Variants in LINGO2 observed in about 807,000 individuals in gnomAD.
The protein encoded by LINGO2 is leucine-rich repeat and immunoglobulin-like domain-containing nogo receptor-interacting protein 2.
Under a neutral mutation model 30.6 loss-of-function variants are expected in LINGO2, and 14 were observed. The ratio of observed to expected loss-of-function variants is 0.46; its 90% confidence interval spans 0.30 to 0.72. The LOEUF is 0.72. LINGO2 is among the 30% of genes least tolerant of loss of function. LINGO2 has a pLI of 0.07. For synonymous variants in LINGO2, 317 were observed against 288.5 expected (o/e 1.10, Z -1.00); for missense variants, 729 against 751.7 (o/e 0.97, Z 0.35).
At chr9:29,171,745 A>G in the LINGO2 span, among the ~76,000 whole-genome samples, 1 of 151,942 alleles carries the variant, frequency 6.6e-6, no homozygotes, top group Non-Finnish European at 1.5e-5. Context: ...TAGAATTGCA[A>G]TACAACATCT....
the LINGO2 span, among the ~76,000 whole-genome samples, chr9:28,979,693 G>A: frequency 6.7e-6 from 1 of 150,238 alleles, no homozygotes; most frequent in African/African-American, 2.5e-5. Flanking sequence ...TCTATACATT[G>A]ATGCTACAAA....
intron 2 of LINGO2, among the ~76,000 whole-genome samples, chr9:28,453,034 T>C (rs945666569): frequency 6.6e-6 from 1 of 151,946 alleles, no homozygotes; most frequent in Non-Finnish European, 1.5e-5. Flanking sequence ...TCAATGACTC[T>C]GATATAAATA....
chr9:28,481,058 C>T (rs984731381), intron 1 of LINGO2, among the ~76,000 whole-genome samples: 2 of 142,510 alleles, frequency 1.4e-5, no homozygotes, highest in African/African-American at 5.1e-5. Flanking sequence ...TTCTCAAGCT[C>T]CCCTGTGTAA....
At chr9:29,009,835 C>T in the LINGO2 span, among the ~76,000 whole-genome samples, 62,839 of 151,744 alleles carry the variant, frequency 0.41, 13,085 homozygotes, top group East Asian at 0.49. Context: ...AACAGAGATA[C>T]AGACCAATGG....
chr9:28,276,699 CG>C (rs1230860618), intron 4 of LINGO2, among the ~76,000 whole-genome samples: 1 of 152,156 alleles, frequency 6.6e-6, no homozygotes, highest in African/African-American at 2.4e-5. Context: ...AACTACTTCT[CG>C]CATATTATAT....
chr9:28,370,225 G>T (rs1162349930), intron 3 of LINGO2, among the ~76,000 whole-genome samples: 1 of 152,048 alleles, frequency 6.6e-6, no homozygotes, highest in African/African-American at 2.4e-5. Flanking sequence ...TTTTCAGTAG[G>T]CATTCTCTAT....
chr9:29,013,127 G>A, the LINGO2 span, among the ~76,000 whole-genome samples: 3 of 152,122 alleles, frequency 2.0e-5, no homozygotes, highest in South Asian at 2.1e-4. Flanking sequence ...GACTGTAATC[G>A]TTCTCTTAAT....
intron 4 of LINGO2, among the ~76,000 whole-genome samples, chr9:28,049,875 T>C (rs932399207): frequency 1.3e-5 from 2 of 150,656 alleles, no homozygotes; most frequent in Admixed American, 6.7e-5. Flanking sequence ...TCTGAAGATT[T>C]TTAAATCAAG....
At chr9:28,026,326 A>C (rs1019245571) in intron 4 of LINGO2, among the ~76,000 whole-genome samples, 1 of 152,178 alleles carries the variant, frequency 6.6e-6, no homozygotes, top group Non-Finnish European at 1.5e-5. Flanking sequence ...CACCTAAGGC[A>C]TAATAGATAT....
At chr9:28,776,426 T>C in the LINGO2 span, among the ~76,000 whole-genome samples, 75 of 152,234 alleles carry the variant, frequency 4.9e-4, no homozygotes, top group African/African-American at 1.8e-3. Flanking sequence ...GCCTGTCCTT[T>C]AGAATTATGC....
chr9:27,959,639 A>G (rs1819741486), intron 5 of LINGO2, among the ~76,000 whole-genome samples: 1 of 152,156 alleles, frequency 6.6e-6, no homozygotes, highest in Non-Finnish European at 1.5e-5. Context: ...AGAATACACT[A>G]TGAAAAATTT....
At chr9:28,034,301 TTTC>T (rs1823827281) in intron 4 of LINGO2, among the ~76,000 whole-genome samples, 1 of 152,220 alleles carries the variant, frequency 6.6e-6, no homozygotes, top group Non-Finnish European at 1.5e-5. Flanking sequence ...ATTATTTCAC[TTTC>T]TTTCTTTTCG....
At chr9:28,818,315 C>A in the LINGO2 span, among the ~76,000 whole-genome samples, 1 of 152,140 alleles carries the variant, frequency 6.6e-6, no homozygotes, top group Non-Finnish European at 1.5e-5. Context: ...AAAATTCTTT[C>A]TTTGGAGAAA....
intron 4 of LINGO2, among the ~76,000 whole-genome samples, chr9:28,159,875 A>G (rs955761653): frequency 6.6e-6 from 1 of 152,114 alleles, no homozygotes; most frequent in African/African-American, 2.4e-5. Flanking sequence ...CCTATTACCC[A>G]CAGGTAGAGA....
chr9:28,340,238 C>A (rs1394143217), intron 3 of LINGO2, among the ~76,000 whole-genome samples: 1 of 152,070 alleles, frequency 6.6e-6, no homozygotes, highest in Non-Finnish European at 1.5e-5. Flanking sequence ...CAATTCATAA[C>A]TCATAAAGTT....
intron 4 of LINGO2, among the ~76,000 whole-genome samples, chr9:28,163,261 A>G (rs191598580): frequency 6.6e-6 from 1 of 152,246 alleles, no homozygotes; most frequent in East Asian, 1.9e-4. Flanking sequence ...GAAGGTATCA[A>G]TCGAATCTGC....
At chr9:29,054,895 C>T in the LINGO2 span, among the ~76,000 whole-genome samples, 2 of 151,942 alleles carry the variant, frequency 1.3e-5, no homozygotes, top group African/African-American at 4.8e-5. Context: ...AGTATTAAAC[C>T]ATGATTTGAA....
intron 1 of LINGO2, among the ~76,000 whole-genome samples, chr9:28,495,906 T>A (rs1049283150): frequency 6.6e-6 from 1 of 152,286 alleles, no homozygotes; most frequent in Non-Finnish European, 1.5e-5. Flanking sequence ...CTGCCTTAAT[T>A]TCATTATGTA....
chr9:28,906,087 T>C, the LINGO2 span, among the ~76,000 whole-genome samples: 1 of 152,026 alleles, frequency 6.6e-6, no homozygotes, highest in South Asian at 2.1e-4. Context: ...CTCACTTAAA[T>C]ATGGAATCTA....
Sources: allele counts gnomAD v4.1 joint callset (sites outside exome capture counted in the v4.1 genomes callset), GRCh38; gene constraint gnomAD v4.1.1; transcripts MANE v1.5; gene names NCBI Gene and HGNC (gene_info 2026-07-23, HGNC 2026-07-21).